TMT1B: variants seen among roughly 807,000 people sequenced by gnomAD.
TMT1B encodes the protein thiol methyltransferase 1B, also known as thiol S-methyltransferase TMT1B.
the TMT1B span, chr12:55,682,401 G>T: frequency 1.3e-6 from 1 of 770,878 alleles, no homozygotes. Flanking sequence ...TAGGAGACAT[G>T]ACCAGTGCCA....
the TMT1B span, chr12:55,682,370 C>A: frequency 1.1e-6 from 1 of 926,098 alleles, no homozygotes; most frequent in Non-Finnish European, 1.6e-6. Flanking sequence ...GACACCCCAT[C>A]CACCTCTACC....
At chr12:55,684,242 G>A in the TMT1B span, 3 of 581,652 alleles carry the variant, frequency 5.2e-6, no homozygotes, top group Non-Finnish European at 9.2e-6. Flanking sequence ...GCCTTCGACA[G>A]TGAAAAAGCT....
chr12:55,683,134 C>T, the TMT1B span, among the ~76,000 whole-genome samples: 125 of 152,274 alleles, frequency 8.2e-4, no homozygotes, highest in Admixed American at 2.5e-3. Flanking sequence ...ATGTTCACAG[C>T]GATGTCCAGG....
chr12:55,683,815 A>T, the TMT1B span: 12,121 of 1,613,858 alleles, frequency 7.5e-3, 55 homozygotes, highest in Non-Finnish European at 9.3e-3. Context: ...CCTCCCAGGG[A>T]GGTGTGCTCT....
the TMT1B span, among the ~76,000 whole-genome samples, chr12:55,683,051 G>T: frequency 6.6e-6 from 1 of 152,162 alleles, no homozygotes; most frequent in African/African-American, 2.4e-5. Flanking sequence ...GATCACCTAG[G>T]GAGAGTATAG....
chr12:55,681,904 G>A, the TMT1B span: 7 of 1,613,304 alleles, frequency 4.3e-6, no homozygotes, highest in African/African-American at 1.3e-5. Flanking sequence ...GCAACCGCAA[G>A]ATGGAGAGCA....
chr12:55,682,607 CAAAAAAAAAA>C, the TMT1B span, among the ~76,000 whole-genome samples: 2 of 104,178 alleles, frequency 1.9e-5, no homozygotes, highest in Non-Finnish European at 3.9e-5. Context: ...GCCGTCTCTA[CAAAAAAAAAA>C]AAAAAAAAAA....
the TMT1B span, chr12:55,683,791 C>G: frequency 6.2e-7 from 1 of 1,611,156 alleles, no homozygotes; most frequent in African/African-American, 1.3e-5. Context: ...CCAAGTGACA[C>G]TAACTCTCTC....
At chr12:55,683,976 A>T in the TMT1B span, 4 of 1,613,986 alleles carry the variant, frequency 2.5e-6, no homozygotes, top group African/African-American at 5.3e-5. Context: ...TCCGAAATCC[A>T]AATGGAACGA....
At chr12:55,682,788 A>AAAAT in the TMT1B span, among the ~76,000 whole-genome samples, 1 of 108,956 alleles carries the variant, frequency 9.2e-6, no homozygotes, top group South Asian at 3.4e-4. Flanking sequence ...TGTATCAAAA[A>AAAAT]AAATAAATAA....
the TMT1B span, among the ~76,000 whole-genome samples, chr12:55,682,848 G>A: frequency 6.6e-6 from 1 of 152,094 alleles, no homozygotes; most frequent in African/African-American, 2.4e-5. Flanking sequence ...TAAGCAGAGT[G>A]TGGACGGGGT....
At chr12:55,683,392 G>A in the TMT1B span, among the ~76,000 whole-genome samples, 1 of 152,158 alleles carries the variant, frequency 6.6e-6, no homozygotes, top group Non-Finnish European at 1.5e-5. Flanking sequence ...CTACTTGGGA[G>A]GCTGAGGCAG....
the TMT1B span, chr12:55,681,806 C>T: frequency 6.4e-7 from 1 of 1,554,246 alleles, no homozygotes; most frequent in Non-Finnish European, 8.7e-7. Context: ...TCTTACCCTG[C>T]CCCTGCACCT....
chr12:55,683,994 C>G, the TMT1B span: 1 of 1,613,954 alleles, frequency 6.2e-7, no homozygotes, highest in South Asian at 1.1e-5. Flanking sequence ...CGACAGCCCC[C>G]TCCCTTGAAG....
chr12:55,681,885 C>G, the TMT1B span: 1 of 1,610,698 alleles, frequency 6.2e-7, no homozygotes, highest in East Asian at 2.2e-5. Flanking sequence ...GCCGTGCTGA[C>G]TCCCAAGAGC....
At chr12:55,684,207 C>A in the TMT1B span, 1 of 675,998 alleles carries the variant, frequency 1.5e-6, no homozygotes, top group South Asian at 1.8e-5. Context: ...CAACCTCTGC[C>A]AGGGCAATCT....
chr12:55,681,783 T>A, the TMT1B span: 24 of 1,551,888 alleles, frequency 1.5e-5, no homozygotes, highest in Non-Finnish European at 1.8e-5. Flanking sequence ...CTCCTGCAGC[T>A]GCTGGTGCTG....
the TMT1B span, among the ~76,000 whole-genome samples, chr12:55,682,419 G>T: frequency 6.6e-6 from 1 of 152,068 alleles, no homozygotes; most frequent in African/African-American, 2.4e-5. Flanking sequence ...CCATGACGGG[G>T]CACAATTGGG....
At chr12:55,683,830 C>A in the TMT1B span, 1 of 1,614,042 alleles carries the variant, frequency 6.2e-7, no homozygotes, top group South Asian at 1.1e-5. Context: ...TGCTCTTTTT[C>A]TGGGAGCATG....
Sources: gnomAD v4.1 joint callset for allele counts (sites outside exome capture counted in the v4.1 genomes callset) on GRCh38, gnomAD v4.1.1 for gene constraint, MANE v1.5 for transcripts, NCBI Gene and HGNC (gene_info 2026-07-23, HGNC 2026-07-21) for gene names.